Variants in TMC7 observed in about 807,000 individuals in gnomAD.
TMC7 encodes the protein transmembrane channel-like protein 7.
In TMC7, 54 loss-of-function variants were observed where a neutral mutation model predicts 82.9. The ratio of observed to expected loss-of-function variants is 0.65; its 90% confidence interval spans 0.52 to 0.82. The LOEUF is 0.82. Ranked by LOEUF, TMC7 falls within the 40% of genes least tolerant of loss-of-function variation. The probability of loss-of-function intolerance (pLI) is 0.00; values close to 1 mark genes in which losing one functional copy is unlikely to be tolerated. For synonymous variants in TMC7, 350 were observed against 337.9 expected, an observed-to-expected ratio of 1.04 and a Z score of -0.39; for missense variants, 820 against 901.2, an observed-to-expected ratio of 0.91 and a Z score of 1.15.
intron 1 of TMC7, among the ~76,000 whole-genome samples, chr16:19,001,478 C>T (rs1295966225): frequency 1.3e-5 from 2 of 152,092 alleles, no homozygotes; most frequent in African/African-American, 2.4e-5. Flanking sequence ...CCCAGAAGTT[C>T]GAGACTAGCC....
intron 1 of TMC7, among the ~76,000 whole-genome samples, chr16:18,995,967 GA>G (rs371832843): frequency 2.0e-5 from 3 of 151,796 alleles, no homozygotes; most frequent in African/African-American, 4.8e-5. Context: ...TATATTTGAT[GA>G]AAAAAAACCT....
chr16:19,049,959 T>G (rs1269281610), intron 12 of TMC7, among the ~76,000 whole-genome samples: 1 of 152,178 alleles, frequency 6.6e-6, no homozygotes, highest in African/African-American at 2.4e-5. Flanking sequence ...ATTTTTAACA[T>G]GTAGGAGAAA....
intron 14 of TMC7, 140 bp from the exon 15 acceptor site, chr16:19,059,276 T>TA: frequency 1.4e-6 from 2 of 1,419,942 alleles, no homozygotes; most frequent in Non-Finnish European, 1.9e-6. Flanking sequence ...AAAGCACTGG[T>TA]ATTATAAAAT....
chr16:19,006,433 C>T (rs2039242288), intron 1 of TMC7, among the ~76,000 whole-genome samples: 1 of 152,174 alleles, frequency 6.6e-6, no homozygotes, highest in South Asian at 2.1e-4. Context: ...ATCCCCTTGC[C>T]TTGGCCTCCC....
intron 11 of TMC7, 116 bp downstream of exon 11, chr16:19,045,554 A>T (rs1174035247): frequency 2.9e-6 from 2 of 683,926 alleles, no homozygotes; most frequent in Admixed American, 2.5e-5. Context: ...CTGCTGGATG[A>T]CTCTACAGCC....
At position 19,009,285 on chromosome 16, in the gene TMC7, A is replaced by T; in HGVS notation, c.181A>T (p.Lys61Ter). 1 of 1,614,204 alleles carries T rather than the reference A, an allele frequency of 6.2e-7. No individual in the cohort carries two copies. The highest frequency in any genetic ancestry group is 8.5e-7 in the Non-Finnish European group (1 of 1,180,048). Residue 61 changes from lysine (K) to a stop codon, truncating the protein, a stop_gained, in exon 2 of 16, where the codon AAG (lysine) becomes TAG (stop). Transcript: ENST00000304381. LOFTEE classifies it high-confidence loss of function. ...GAGAACGACTGTCCATTCCCGGGAC[A>T]AGCAAAGCGGAACTTTGCTAAAGCC... ...RRRTTVHSRD[K>*]QSGTLLKPTD... is the part of the protein sequence containing the mutation.
chr16:19,011,542 T>TAAATAAATAAATA (rs1959344615), intron 2 of TMC7, among the ~76,000 whole-genome samples: 1 of 149,580 alleles, frequency 6.7e-6, no homozygotes, highest in Non-Finnish European at 1.5e-5. Context: ...AATAAATAAA[T>TAAATAAATAAATA]AAATAAAATA....
At chr16:19,026,241 C>A (rs1960220403) in intron 5 of TMC7, among the ~76,000 whole-genome samples, 1 of 151,678 alleles carries the variant, frequency 6.6e-6, no homozygotes, top group South Asian at 2.1e-4. Context: ...CTTTGGGAGG[C>A]CGAGGCGGGT....
At position 19,030,334 on chromosome 16, in the gene TMC7, C is replaced by T. The variant is rs747601851; in HGVS notation, c.822C>T (p.Ala274=). ...LPLAYLLSTI[A]SLALSLLWIV... is the part of the protein sequence containing the mutation. The stretch of plus-strand genomic sequence containing the variant: ...TGGCGTATTTGTTAAGCACAATCGC[C>T]TCCCTGGCCCTGAGCCTTCTTTGGA... Residue 274 remains alanine, a synonymous_variant, in exon 6 of 16, where the codon GCC becomes GCT. Transcript: ENST00000304381. 4.3e-6 allele frequency: 7 copies of T among 1,612,736 alleles called. No individual in the cohort carries two copies. Among genetic ancestry groups the T allele is most frequent in the South Asian group, 1.1e-5 (1 of 90,840 alleles).
At chr16:18,991,540 G>A in intron 1 of TMC7, among the ~76,000 whole-genome samples, 1 of 152,140 alleles carries the variant, frequency 6.6e-6, no homozygotes, top group Non-Finnish European at 1.5e-5. Context: ...TTGGAGGAAA[G>A]AGAATTGCAA....
At chr16:19,006,028 G>T (rs1458753401) in intron 1 of TMC7, among the ~76,000 whole-genome samples, 2 of 152,128 alleles carry the variant, frequency 1.3e-5, no homozygotes, top group African/African-American at 4.8e-5. Flanking sequence ...GGCCTTGACC[G>T]GTCCCCACCT....
intron 1 of TMC7, among the ~76,000 whole-genome samples, chr16:18,992,954 T>C (rs964905004): frequency 6.6e-6 from 1 of 152,236 alleles, no homozygotes; most frequent in Non-Finnish European, 1.5e-5. Context: ...TCTATTGGTC[T>C]ATATCTCTTT....
At chr16:19,025,909 C>T (rs1251753532) in intron 5 of TMC7, among the ~76,000 whole-genome samples, 1 of 151,894 alleles carries the variant, frequency 6.6e-6, no homozygotes, top group Non-Finnish European at 1.5e-5. Context: ...GTGCATACCC[C>T]CATGCCCAGC....
At chr16:19,001,502 G>T (rs146687227) in intron 1 of TMC7, among the ~76,000 whole-genome samples, 48 of 152,178 alleles carry the variant, frequency 3.2e-4, no homozygotes, top group African/African-American at 1.1e-3. Flanking sequence ...GCAACATAAC[G>T]AGACCTCATC....
At chr16:19,051,465 A>G (rs1596794205) in intron 12 of TMC7, among the ~76,000 whole-genome samples, 1 of 133,114 alleles carries the variant, frequency 7.5e-6, no homozygotes, top group Middle Eastern at 4.8e-3. Context: ...ATGTGTTCTC[A>G]TTGTTCAATT....
chr16:18,991,057 G>T (rs1392713815), intron 1 of TMC7, among the ~76,000 whole-genome samples: 1 of 152,114 alleles, frequency 6.6e-6, no homozygotes, highest in Non-Finnish European at 1.5e-5. Flanking sequence ...AATTTTTGGG[G>T]GTGGTATGGA....
chr16:19,056,385 C>T (rs1026899094), intron 13 of TMC7, among the ~76,000 whole-genome samples, 157 bp from the exon 14 acceptor site: 7 of 152,142 alleles, frequency 4.6e-5, no homozygotes, highest in African/African-American at 1.7e-4. Context: ...CGCGCCCAGC[C>T]AGGGTAAGCA....
intron 12 of TMC7, 62 bp from the exon 13 acceptor site, chr16:19,051,624 T>G: frequency 6.3e-7 from 1 of 1,591,342 alleles, no homozygotes; most frequent in Admixed American, 1.7e-5. Flanking sequence ...GGAATGCACT[T>G]ATTTATCTTC....
Position 19,023,173 on chromosome 16 carries a change from T to C in TMC7, c.689T>C (p.Ile230Thr), listed in dbSNP as rs757418401. The change falls in exon 5 of 16, where the codon ATC (isoleucine) becomes ACC (threonine). Residue 230 changes from isoleucine (I) to threonine (T), a missense_variant. Physicochemically the swap from Ile to Thr is moderately conservative, Grantham distance 89. Coordinates refer to ENST00000304381, the MANE Select transcript of TMC7 (RefSeq NM_024847.4). Reference protein sequence around the residue: ...SSGLIYFYSYIIDLLSGTGFL... With the variant: ...SSGLIYFYSYTIDLLSGTGFL... ...GGACTCATTTACTTTTACAGTTATATCATAGACTTGCTTTCTGGCACTGTA... is the reference window on the plus strand; with the variant it reads ...GGACTCATTTACTTTTACAGTTATACCATAGACTTGCTTTCTGGCACTGTA... 2 of 1,605,992 alleles carry C rather than the reference T, an allele frequency of 1.2e-6. No individual in the cohort carries two copies. The highest frequency in any genetic ancestry group is 2.2e-5 in the South Asian group (2 of 90,742).
Sources: gnomAD v4.1 joint callset for allele counts (sites outside exome capture counted in the v4.1 genomes callset) on GRCh38, gnomAD v4.1.1 for gene constraint, MANE v1.5 for transcripts, NCBI Gene and HGNC (gene_info 2026-07-23, HGNC 2026-07-21) for gene names.